The following BABAM2 variants were observed in gnomAD, a reference collection of about 807,000 sequenced individuals.
BABAM2 encodes BRISC and BRCA1-A complex member 2.
A neutral mutation model predicts 54.7 loss-of-function variants in BABAM2; 31 were observed. That is an observed-to-expected ratio of 0.57 (90% CI 0.43 to 0.77). The LOEUF (loss-of-function observed/expected upper bound fraction) is 0.77, where lower values mean the gene tolerates loss of function less well. Ranked by LOEUF, BABAM2 falls within the 30% of genes least tolerant of loss-of-function variation. The pLI is 0.00. For synonymous variants in BABAM2, 167 were observed against 162.9 expected (o/e 1.03, Z -0.19); for missense variants, 364 against 455.8 (o/e 0.80, Z 1.83).
chr2:28,059,643 C>CAGAA (rs2148637306), intron 6 of BABAM2, among the ~76,000 whole-genome samples: 1 of 152,272 alleles, frequency 6.6e-6, no homozygotes, highest in South Asian at 2.1e-4. Context: ...AGGACTCTTT[C>CAGAA]AGAGAGTACA....
chr2:28,131,874 C>G (rs946380706), intron 7 of BABAM2, among the ~76,000 whole-genome samples: 1 of 152,070 alleles, frequency 6.6e-6, no homozygotes, highest in Non-Finnish European at 1.5e-5. Flanking sequence ...ATGAAACAAT[C>G]GCAAGATGTG....
chr2:28,058,906 A>G (rs1317340142), intron 6 of BABAM2, among the ~76,000 whole-genome samples: 2 of 152,200 alleles, frequency 1.3e-5, no homozygotes, highest in Non-Finnish European at 2.9e-5. Flanking sequence ...GAGAGAAACA[A>G]ACAACAACGG....
chr2:27,895,155 A>AT (rs59917570), intron 2 of BABAM2: 13,067 of 151,384 alleles, frequency 0.086, 897 homozygotes, highest in African/African-American at 0.18. Context: ...TAAAAAACAG[A>AT]TTTTTTTTTT....
chr2:28,309,976 A>T, intron 11 of BABAM2: 1 of 1,227,326 alleles, frequency 8.1e-7, no homozygotes, highest in Non-Finnish European at 1.2e-6. Context: ...GTTTAGAAGT[A>T]GAGCTGTGAA....
chr2:28,150,548 G>A (rs1671927520), intron 7 of BABAM2, among the ~76,000 whole-genome samples: 1 of 152,214 alleles, frequency 6.6e-6, no homozygotes. Flanking sequence ...TGGAACTAAG[G>A]TAAACTAAAT....
At chr2:28,101,857 A>G (rs370560090) in intron 6 of BABAM2, among the ~76,000 whole-genome samples, 3 of 152,328 alleles carry the variant, frequency 2.0e-5, no homozygotes, top group South Asian at 4.1e-4. Flanking sequence ...TTGTAAGTTA[A>G]AAAATCATAT....
intron 2 of BABAM2, among the ~76,000 whole-genome samples, chr2:27,899,666 C>G (rs924181541): frequency 2.6e-5 from 4 of 152,030 alleles, no homozygotes; most frequent in Non-Finnish European, 5.9e-5. Flanking sequence ...GGGGTTTCAT[C>G]ATCTTGGCTA....
At chr2:28,074,036 T>C (rs1664424379) in intron 6 of BABAM2, among the ~76,000 whole-genome samples, 1 of 152,110 alleles carries the variant, frequency 6.6e-6, no homozygotes, top group African/African-American at 2.4e-5. Context: ...CACATATATA[T>C]ACACACACAT....
chr2:27,945,779 T>C (rs1405032281), intron 3 of BABAM2, among the ~76,000 whole-genome samples: 5 of 151,976 alleles, frequency 3.3e-5, no homozygotes, highest in Non-Finnish European at 5.9e-5. Context: ...TACTTTCTGA[T>C]GCCAATTTAT....
At chr2:27,914,502 A>G (rs144370410) in intron 2 of BABAM2, among the ~76,000 whole-genome samples, 4 of 152,302 alleles carry the variant, frequency 2.6e-5, no homozygotes, top group East Asian at 3.9e-4. Context: ...CTTAAAGTGT[A>G]ACACCTAGAA....
At chr2:28,029,238 T>C (rs1401561060) in intron 5 of BABAM2, among the ~76,000 whole-genome samples, 1 of 152,208 alleles carries the variant, frequency 6.6e-6, no homozygotes, top group Non-Finnish European at 1.5e-5. Context: ...CACATAACAC[T>C]ACATTTGCCG....
chr2:28,283,334 T>C (rs764584625), intron 10 of BABAM2, among the ~76,000 whole-genome samples: 1 of 152,212 alleles, frequency 6.6e-6, no homozygotes, highest in South Asian at 2.1e-4. Context: ...CTTTAGCAAG[T>C]ATATCCTCTG....
Position 28,057,853 on chromosome 2 carries a change from A to G in BABAM2, c.570+12054A>G, listed in dbSNP as rs144825393. Among the ~76,000 whole-genome samples the G allele has an allele frequency of 6.3e-3, 964 of 152,260 alleles. 7 individuals carry two copies. The highest frequency in any genetic ancestry group is 7.9e-3 in the Non-Finnish European group (536 of 68,012). On this transcript the variant is annotated intron_variant, in intron 6 of 11. Coordinates refer to ENST00000379624, the MANE Select transcript of BABAM2 (RefSeq NM_199191.3). ...GAAAGACTTGGTTTTGATAAAGAGA[A>G]GCTAGACAGGCCAGGCACGGTGGCT...
chr2:28,273,528 G>A (rs1685615707), intron 10 of BABAM2, among the ~76,000 whole-genome samples: 1 of 152,142 alleles, frequency 6.6e-6, no homozygotes, highest in Non-Finnish European at 1.5e-5. Context: ...AGACCAGCCT[G>A]GCCAACATAG....
chr2:28,146,936 C>T (rs533514704), intron 7 of BABAM2, among the ~76,000 whole-genome samples: 11 of 152,146 alleles, frequency 7.2e-5, no homozygotes, highest in Middle Eastern at 3.2e-3. Context: ...ATAACCTAAA[C>T]CTGAAATTGG....
At chr2:28,085,430 A>G (rs892707841) in intron 6 of BABAM2, among the ~76,000 whole-genome samples, 2 of 152,194 alleles carry the variant, frequency 1.3e-5, no homozygotes, top group Non-Finnish European at 2.9e-5. Flanking sequence ...AAAACCTCAT[A>G]AAGAAGTCAT....
chr2:28,267,319 G>A (rs1365926436), intron 10 of BABAM2, among the ~76,000 whole-genome samples: 1 of 152,070 alleles, frequency 6.6e-6, no homozygotes, highest in Non-Finnish European at 1.5e-5. Flanking sequence ...TCCACTAGGA[G>A]GATCCCTCCT....
intron 7 of BABAM2, among the ~76,000 whole-genome samples, chr2:28,142,774 G>C (rs550435965): frequency 6.6e-6 from 1 of 152,044 alleles, no homozygotes; most frequent in South Asian, 2.1e-4. Flanking sequence ...GTGTTTTAAA[G>C]CTAAAGGAAA....
At chr2:27,929,632 A>G (rs1156811923) in intron 2 of BABAM2, among the ~76,000 whole-genome samples, 200 bp from the exon 3 acceptor site, 1 of 152,256 alleles carries the variant, frequency 6.6e-6, no homozygotes, top group African/African-American at 2.4e-5. Flanking sequence ...TTATTGTGAA[A>G]TAAATGAATT....
Sources: gnomAD v4.1 joint callset for allele counts (sites outside exome capture counted in the v4.1 genomes callset) on GRCh38, gnomAD v4.1.1 for gene constraint, MANE v1.5 for transcripts, NCBI Gene and HGNC (gene_info 2026-07-23, HGNC 2026-07-21) for gene names.